RABGAP1L: variants seen among roughly 807,000 people sequenced by gnomAD.
RABGAP1L encodes RAB GTPase activating protein 1 like.
RABGAP1L carries 63 observed loss-of-function variants against 137.7 expected under a neutral mutation model. The ratio of observed to expected loss-of-function variants is 0.46; its 90% CI spans 0.37 to 0.56. The LOEUF (loss-of-function observed/expected upper bound fraction) is 0.56. Among genes scored for constraint, RABGAP1L ranks in the 20% least tolerant of loss-of-function variants. The pLI, the probability that RABGAP1L is intolerant of heterozygous loss-of-function variation, is 0.00. For synonymous variants in RABGAP1L, 431 were observed against 433.7 expected, an observed-to-expected ratio of 0.99 and a Z score of 0.08; for missense variants, 1,095 against 1,244.0, an observed-to-expected ratio of 0.88 and a Z score of 1.80.
intron 17 of RABGAP1L, among the ~76,000 whole-genome samples, chr1:174,719,869 T>G (rs1681350738): frequency 6.6e-6 from 1 of 152,194 alleles, no homozygotes; most frequent in Admixed American, 6.5e-5. Context: ...CATAATAAAT[T>G]AATATATATG....
chr1:174,333,698 A>G (rs1681233241), intron 11 of RABGAP1L, among the ~76,000 whole-genome samples: 1 of 152,188 alleles, frequency 6.6e-6, no homozygotes. Flanking sequence ...GCCCATTTTC[A>G]CCACTGACTT....
At chr1:174,503,968 T>C (rs936369710) in intron 13 of RABGAP1L, among the ~76,000 whole-genome samples, 2 of 150,572 alleles carry the variant, frequency 1.3e-5, no homozygotes, top group Non-Finnish European at 3.0e-5. Flanking sequence ...AGACTCTTTT[T>C]TTTTTCTTTT....
chr1:174,809,654 C>T (rs569177944), intron 18 of RABGAP1L, among the ~76,000 whole-genome samples: 12 of 152,258 alleles, frequency 7.9e-5, no homozygotes, highest in African/African-American at 1.9e-4. Context: ...AGAGGACTTT[C>T]GGTAGTGAGG....
chr1:174,515,574 G>C (rs1268043503), intron 13 of RABGAP1L, among the ~76,000 whole-genome samples: 1 of 152,030 alleles, frequency 6.6e-6, no homozygotes, highest in Non-Finnish European at 1.5e-5. Context: ...TCCACATACA[G>C]ACCTTAATAC....
intron 13 of RABGAP1L, among the ~76,000 whole-genome samples, chr1:174,434,797 T>A (rs1283413149): frequency 6.6e-6 from 1 of 152,180 alleles, no homozygotes; most frequent in East Asian, 1.9e-4. Flanking sequence ...GTGAAGTGTC[T>A]TCCAGTTTTT....
At chr1:174,260,543 G>A (rs539790345) in intron 7 of RABGAP1L, among the ~76,000 whole-genome samples, 1 of 152,048 alleles carries the variant, frequency 6.6e-6, no homozygotes, top group Non-Finnish European at 1.5e-5. Flanking sequence ...ACTTATTGAG[G>A]GTCTCCAGCT....
chr1:174,348,636 T>G (rs1156472698), intron 11 of RABGAP1L, among the ~76,000 whole-genome samples: 2 of 146,286 alleles, frequency 1.4e-5, no homozygotes, highest in Non-Finnish European at 3.0e-5. Flanking sequence ...CCTGATTACT[T>G]GAGATTAGGG....
intron 11 of RABGAP1L, among the ~76,000 whole-genome samples, chr1:174,307,808 G>A (rs1259581490): frequency 6.6e-6 from 1 of 152,052 alleles, no homozygotes; most frequent in Non-Finnish European, 1.5e-5. Flanking sequence ...TGACATACTG[G>A]TTCATTTCCT....
chr1:174,783,875 A>AT (rs200901482), intron 18 of RABGAP1L, among the ~76,000 whole-genome samples: 80 of 149,896 alleles, frequency 5.3e-4, no homozygotes, highest in Non-Finnish European at 8.6e-4. Flanking sequence ...TGCCTAGCTA[A>AT]TTTTTTTTAT....
rs1185243264 is a variant in RABGAP1L, at chr1:174,994,709, G to A, written c.*4708G>A. 6.6e-6 allele frequency: 1 copy of A among 152,204 alleles called. No individual in the cohort carries two copies. The highest frequency in any genetic ancestry group is 2.4e-5 in the African/African-American group (1 of 41,450). 9.4% of individuals were successfully genotyped at this position (152,204 alleles called of 1,614,324 possible). ...GTCCCAGATCCAAGATGTCCCAAAA[G>A]CCTTTTGTATCAGTTTCTCTATTTT... On this transcript the variant is annotated 3_prime_UTR_variant, in exon 26 of 26. Coordinates refer to ENST00000681986, the MANE Select transcript of RABGAP1L (RefSeq NM_001366446.1).
chr1:174,694,560 T>C (rs1371456174), intron 15 of RABGAP1L, among the ~76,000 whole-genome samples: 1 of 151,714 alleles, frequency 6.6e-6, no homozygotes, highest in Non-Finnish European at 1.5e-5. Context: ...TAGTATTCCA[T>C]GGTGTACATG....
chr1:174,907,755 A>G (rs980454847), intron 19 of RABGAP1L, among the ~76,000 whole-genome samples: 4 of 152,240 alleles, frequency 2.6e-5, no homozygotes, highest in African/African-American at 9.6e-5. Context: ...GTAGGAAGAA[A>G]GAAAGGAGTC....
intron 13 of RABGAP1L, among the ~76,000 whole-genome samples, chr1:174,554,290 A>G (rs1666737524): frequency 6.6e-6 from 1 of 151,916 alleles, no homozygotes; most frequent in Non-Finnish European, 1.5e-5. Flanking sequence ...CTTTTCTTTG[A>G]TTTTCTATTT....
chr1:174,370,987 A>G lies in RABGAP1L; in HGVS notation c.1474A>G (p.Asn492Asp). Residue 492 changes from asparagine (N) to aspartate (D), a missense_variant, in exon 12 of 26, where the codon AAT becomes GAT. By Grantham distance (23) the Asn-to-Asp change is conservative. Coordinates refer to ENST00000681986, the MANE Select transcript of RABGAP1L (RefSeq NM_001366446.1). ...TTGCGTTTCTTCTGCAGAGAGTGAT[A>G]ATGAACTCTCAAGTGGAACAGGTGA... Reference protein sequence around the residue: ...QDDEAEEESDNELSSGTGDVS... With the variant: ...QDDEAEEESDDELSSGTGDVS... 6.8e-7 allele frequency: 1 copy of G among 1,477,262 alleles called. No individual in the cohort carries two copies. The highest frequency in any genetic ancestry group is 9.2e-7 in the Non-Finnish European group (1 of 1,091,198). 91.5% of individuals were successfully genotyped at this position (1,477,262 alleles called of 1,614,324 possible). A position where few individuals can be genotyped will look rare whatever the true frequency, so the allele number is the denominator to read the frequency against.
chr1:174,693,402 A>T (rs1162708008), intron 15 of RABGAP1L, among the ~76,000 whole-genome samples: 1 of 152,230 alleles, frequency 6.6e-6, no homozygotes, highest in Non-Finnish European at 1.5e-5. Context: ...ATAAAAACTT[A>T]CAGTTAAATA....
intron 13 of RABGAP1L, among the ~76,000 whole-genome samples, chr1:174,600,628 C>G (rs998230478): frequency 6.6e-6 from 1 of 152,180 alleles, no homozygotes; most frequent in South Asian, 2.1e-4. Context: ...TTTTAAGGCT[C>G]CAAAATGATC....
At chr1:174,970,506 G>C (rs1023290743) in intron 21 of RABGAP1L, among the ~76,000 whole-genome samples, 6 of 152,178 alleles carry the variant, frequency 3.9e-5, no homozygotes, top group Non-Finnish European at 5.9e-5. Context: ...GGCAAATGTA[G>C]TTGGTAATAT....
intron 13 of RABGAP1L, among the ~76,000 whole-genome samples, chr1:174,602,919 A>G (rs888921325): frequency 1.3e-5 from 2 of 152,064 alleles, no homozygotes; most frequent in Non-Finnish European, 2.9e-5. Context: ...AAAAGCCACT[A>G]TCTCTGTTTC....
At chr1:174,396,291 G>A (rs2149089561) in intron 13 of RABGAP1L, among the ~76,000 whole-genome samples, 1 of 152,078 alleles carries the variant, frequency 6.6e-6, no homozygotes, top group African/African-American at 2.4e-5. Flanking sequence ...CCACTGAATT[G>A]TACACTTCTA....
Sources: allele counts gnomAD v4.1 joint callset (sites outside exome capture counted in the v4.1 genomes callset), GRCh38; gene constraint gnomAD v4.1.1; transcripts MANE v1.5; gene names NCBI Gene and HGNC (gene_info 2026-07-23, HGNC 2026-07-21).